CHSY1: variants seen among roughly 807,000 people sequenced by gnomAD.
CHSY1 encodes N-acetylgalactosaminyl-proteoglycan 3-beta-glucuronosyltransferase 1.
CHSY1 carries 13 observed loss-of-function variants against 59.8 expected under a neutral mutation model. That is an observed-to-expected ratio of 0.22 (90% CI 0.14 to 0.35). CHSY1 has a LOEUF of 0.35. CHSY1 is among the 10% of genes least tolerant of loss of function. The pLI is 1.00. For missense variants in CHSY1, 947 were observed against 1,030.6 expected (o/e 0.92, Z 1.11); for synonymous variants, 459 against 401.2 (o/e 1.14, Z -1.72).
intron 2 of CHSY1, among the ~76,000 whole-genome samples, chr15:101,181,978 G>A (rs1567338212): frequency 6.6e-6 from 1 of 152,136 alleles, no homozygotes; most frequent in African/African-American, 2.4e-5. Flanking sequence ...AAAAGAAAAT[G>A]TTATTAAGAA....
intron 1 of CHSY1, among the ~76,000 whole-genome samples, chr15:101,235,987 T>A (rs1054098775): frequency 2.6e-5 from 4 of 152,178 alleles, no homozygotes; most frequent in African/African-American, 9.7e-5. Flanking sequence ...AAGTATGTGC[T>A]AAGCTAAAGG....
intron 2 of CHSY1, among the ~76,000 whole-genome samples, chr15:101,187,171 G>A (rs1668262899): frequency 6.6e-6 from 1 of 152,140 alleles, no homozygotes; most frequent in South Asian, 2.1e-4. Flanking sequence ...ATAAAGTAAT[G>A]ACATTTTTGT....
At chr15:101,192,661 T>G (rs1207296877) in intron 2 of CHSY1, among the ~76,000 whole-genome samples, 1 of 149,170 alleles carries the variant, frequency 6.7e-6, no homozygotes, top group Non-Finnish European at 1.5e-5. Context: ...TCTAAACGCC[T>G]CCCTCGTGGC....
At chr15:101,227,328 T>A (rs12148378) in intron 2 of CHSY1, among the ~76,000 whole-genome samples, 14,797 of 152,118 alleles carry the variant, frequency 0.097, 1,014 homozygotes, top group Middle Eastern at 0.18. Flanking sequence ...CTTGCAATGT[T>A]GTCTTTATTT....
chr15:101,248,700 G>A (rs1273407423), intron 1 of CHSY1, among the ~76,000 whole-genome samples: 3 of 152,248 alleles, frequency 2.0e-5, no homozygotes, highest in Admixed American at 2.0e-4. Flanking sequence ...GTGGAAAGGA[G>A]GCCAAAAGTA....
In CHSY1 at chr15:101,178,182, G is replaced by C. The variant is rs767149155; in HGVS notation, c.1615C>G (p.Pro539Ala). 11 of 1,614,210 alleles carry C rather than the reference G, an allele frequency of 6.8e-6. No individual in the cohort carries two copies. Among genetic ancestry groups the C allele is most frequent in the Non-Finnish European group, 9.3e-6 (11 of 1,180,040 alleles). ...PKDKKINILI[P>A]LSGRFDMFVR... The stretch of plus-strand genomic sequence containing the variant: ...AACATGTCGAAACGCCCAGACAAAG[G>C]AATCAGTATGTTTATCTTTTTATCT... Residue 539 changes from proline to alanine, a missense_variant, in exon 3 of 3, where the codon CCT becomes GCT. Pro to Ala is a conservative substitution (Grantham distance 27, BLOSUM62 -1). This residue lies in a region of CHSY1 where 602 missense variants were observed against 676.9 expected (regional missense o/e 0.89). Transcript: ENST00000254190.
chr15:101,230,693 C>T (rs2141272554), intron 2 of CHSY1, among the ~76,000 whole-genome samples: 1 of 152,298 alleles, frequency 6.6e-6, no homozygotes, highest in Non-Finnish European at 1.5e-5. Context: ...CTGCAAACTC[C>T]AATTTCCCTT....
At chr15:101,210,242 A>G (rs1195428558) in intron 2 of CHSY1, among the ~76,000 whole-genome samples, 4 of 152,246 alleles carry the variant, frequency 2.6e-5, no homozygotes, top group Non-Finnish European at 4.4e-5. Context: ...AAGGCCTATT[A>G]TAGCCACAAT....
chr15:101,225,011 C>G (rs925859022), intron 2 of CHSY1, among the ~76,000 whole-genome samples: 21 of 152,220 alleles, frequency 1.4e-4, no homozygotes, highest in Admixed American at 9.2e-4. Context: ...GGGCGTGGCC[C>G]AGGCAACGAG....
intron 1 of CHSY1, among the ~76,000 whole-genome samples, chr15:101,239,992 GAGA>G (rs998854111): frequency 1.3e-5 from 2 of 152,172 alleles, no homozygotes; most frequent in Non-Finnish European, 2.9e-5. Context: ...TGCCCAAGAA[GAGA>G]AACCAATTAA....
At chr15:101,223,214 C>T (rs1376334803) in intron 2 of CHSY1, among the ~76,000 whole-genome samples, 4 of 152,124 alleles carry the variant, frequency 2.6e-5, no homozygotes, top group Non-Finnish European at 4.4e-5. Context: ...AGGCTGGTCC[C>T]GAACTCCTGA....
At chr15:101,215,778 A>G (rs2038726519) in intron 2 of CHSY1, among the ~76,000 whole-genome samples, 1 of 152,216 alleles carries the variant, frequency 6.6e-6, no homozygotes, top group Admixed American at 6.5e-5. Context: ...TGAACAATTC[A>G]TGTACATCTC....
At chr15:101,231,372 T>C (rs1432407216) in intron 2 of CHSY1, among the ~76,000 whole-genome samples, 1 of 152,192 alleles carries the variant, frequency 6.6e-6, no homozygotes, top group Non-Finnish European at 1.5e-5. Flanking sequence ...TGTTTGTATA[T>C]GATATGATAC....
chr15:101,203,116 G>A (rs761396269), intron 2 of CHSY1, among the ~76,000 whole-genome samples: 11 of 152,206 alleles, frequency 7.2e-5, no homozygotes, highest in Admixed American at 2.6e-4. Flanking sequence ...ATTAACAACT[G>A]ATTGCACCTA....
In CHSY1 at chr15:101,177,932, T is replaced by A; in HGVS notation, c.1865A>T (p.Asn622Ile). ...GCAGAAGAAGAGCAAAGATTCATTG[T>A]TAAACTGGGAGGATCCTACTTCCAG... ...LALEVGSSQF[N>I]NESLLFFCDV... The change falls in exon 3 of 3, where the codon AAC becomes ATC. Residue 622 changes from asparagine (N) to isoleucine (I), a missense_variant. By Grantham distance (149) the Asn-to-Ile change is moderately radical. Coordinates refer to ENST00000254190, the MANE Select transcript of CHSY1 (RefSeq NM_014918.5). The A allele has an allele frequency of 6.2e-7, 1 of 1,614,214 alleles. No homozygotes were observed. The highest frequency in any genetic ancestry group is 8.5e-7 in the Non-Finnish European group (1 of 1,180,022).
In CHSY1 at chr15:101,176,875, C is replaced by T. The variant is rs2038196179; in HGVS notation, c.*513G>A. 1 of 158,730 alleles carries T rather than the reference C, an allele frequency of 6.3e-6. No homozygotes were observed. Among genetic ancestry groups the T allele is most frequent in the African/African-American group, 2.4e-5 (1 of 41,612 alleles). The allele number at this position is 158,730 out of a possible 1,614,324, so 9.8% of individuals were successfully genotyped here. A position where few individuals can be genotyped will look rare whatever the true frequency, so the allele number is the denominator to read the frequency against. On this transcript the variant is annotated 3_prime_UTR_variant, in exon 3 of 3. Coordinates refer to ENST00000254190, the MANE Select transcript of CHSY1 (RefSeq NM_014918.5). ...GTACCATGAGAGGAAATGATCAACTCTGGAAAGCTCTCCTGAAGACAATGA... is the reference window on the plus strand; with the variant it reads ...GTACCATGAGAGGAAATGATCAACTTTGGAAAGCTCTCCTGAAGACAATGA...
chr15:101,179,447 C>T (rs1359869166), intron 2 of CHSY1, among the ~76,000 whole-genome samples: 1 of 152,148 alleles, frequency 6.6e-6, no homozygotes, highest in Non-Finnish European at 1.5e-5. Flanking sequence ...ACAACCTGAG[C>T]GAAGGAGTAC....
At chr15:101,239,335 A>C (rs2038978297) in intron 1 of CHSY1, among the ~76,000 whole-genome samples, 1 of 152,216 alleles carries the variant, frequency 6.6e-6, no homozygotes, top group Admixed American at 6.5e-5. Flanking sequence ...AAAACACTGT[A>C]ATGTTATTTG....
At chr15:101,197,725 G>A (rs967901241) in intron 2 of CHSY1, among the ~76,000 whole-genome samples, 4 of 152,150 alleles carry the variant, frequency 2.6e-5, no homozygotes. Context: ...ACAGGTGACC[G>A]ATTCCTAAGA....
Sources: allele counts gnomAD v4.1 joint callset (sites outside exome capture counted in the v4.1 genomes callset), GRCh38; gene constraint gnomAD v4.1.1; regional missense constraint gnomAD v4.1.1; transcripts MANE v1.5; gene names NCBI Gene and HGNC (gene_info 2026-07-23, HGNC 2026-07-21).